The following PPP1R1A variants were observed in gnomAD, a reference collection of about 807,000 sequenced individuals.
The protein encoded by PPP1R1A is protein phosphatase 1 regulatory inhibitor subunit 1A.
Under a neutral mutation model 23.9 loss-of-function variants are expected in PPP1R1A, and 18 were observed. That is an observed-to-expected ratio of 0.75 (90% CI 0.52 to 1.12). PPP1R1A has a LOEUF of 1.12. PPP1R1A is among the 50% of genes most tolerant of loss of function. PPP1R1A has a pLI of 0.00. For missense variants in PPP1R1A, 207 were observed against 223.8 expected, an observed-to-expected ratio of 0.92 and a Z score of 0.48; for synonymous variants, 84 against 80.7, an observed-to-expected ratio of 1.04 and a Z score of -0.22.
rs1957852899 is a variant in PPP1R1A, at chr12:54,581,130, A to G, written c.404-80T>C. 2 of 1,121,724 alleles carry G rather than the reference A, an allele frequency of 1.8e-6. No homozygotes were observed. Among genetic ancestry groups the G allele is most frequent in the Non-Finnish European group, 2.6e-6 (2 of 760,320 alleles). The allele number at this position is 1,121,724 out of a possible 1,614,324, so 69.5% of individuals were successfully genotyped here. A position where few individuals can be genotyped will look rare whatever the true frequency, so the allele number is the denominator to read the frequency against. On this transcript the variant is annotated intron_variant, in intron 5 of 6. Transcript: ENST00000257905. This position sits in a 1 kb window ranked among gnomAD's most constrained non-coding sequence, Gnocchi z 4.1. ...GGAGGGAACTGCTTCTCCTCACTGC[A>G]CCCATACCCCAGTGGCCCCTGAGAG...
intron 6 of PPP1R1A, among the ~76,000 whole-genome samples, chr12:54,580,695 T>G (rs1316680468): frequency 6.6e-6 from 1 of 152,228 alleles, no homozygotes; most frequent in African/African-American, 2.4e-5. Context: ...CATGGCCTAC[T>G]GCTCTCACCC....
intron 1 of PPP1R1A, among the ~76,000 whole-genome samples, chr12:54,585,805 G>A (rs1957904383): frequency 6.8e-6 from 1 of 147,522 alleles, no homozygotes; most frequent in African/African-American, 2.5e-5. Flanking sequence ...AGAAGAAACA[G>A]GATGCAAAGA....
rs758266240 is a variant in PPP1R1A, at chr12:54,584,317, G to T, written c.88C>A (p.Arg30=). The T allele has an allele frequency of 6.9e-6, 11 of 1,598,208 alleles. No homozygotes were observed. Among genetic ancestry groups the T allele is most frequent in the Non-Finnish European group, 9.4e-6 (11 of 1,172,754 alleles). Residue 30 remains arginine (R), a synonymous_variant, in exon 2 of 7, where the codon CGG becomes AGG. Transcript: ENST00000257905. ...GTGGCAGGGGTGGGGCGGCGCCTCC[G>T]AATCTGAGGGAAGGTGGGAAATGGG... ...HLDPEAAEQI[R]RRRPTPATLV...
At chr12:54,582,991 C>T (rs1031862860) in intron 3 of PPP1R1A, among the ~76,000 whole-genome samples, 196 bp from the exon 4 acceptor site, 3 of 151,972 alleles carry the variant, frequency 2.0e-5, no homozygotes, top group South Asian at 2.1e-4. Context: ...CCAACCACCT[C>T]GACAATGGTG....
At chr12:54,586,705 C>G (rs1055437264) in intron 1 of PPP1R1A, among the ~76,000 whole-genome samples, 3 of 152,158 alleles carry the variant, frequency 2.0e-5, no homozygotes, top group Non-Finnish European at 4.4e-5. Flanking sequence ...TCTTTTTTCC[C>G]TCTGACTCCT....
In PPP1R1A at chr12:54,580,053, C is replaced by G. The variant is rs572024877; in HGVS notation, c.*334G>C. The G allele has an allele frequency of 1.7e-5, 18 of 1,051,274 alleles. No individual in the cohort carries two copies. The South Asian group carries it at 6.8e-4, about 40-fold the overall frequency. The allele number at this position is 1,051,274 out of a possible 1,614,324, so 65.1% of individuals were successfully genotyped here. A position where few individuals can be genotyped will look rare whatever the true frequency, so the allele number is the denominator to read the frequency against. ...TCTTGGCACCCTGGAAGTTAGTCCT[C>G]CCACCTATCTGACCCTCATCTCTCT... is the stretch of plus-strand genomic sequence containing the variant. On this transcript the variant is annotated 3_prime_UTR_variant, in exon 7 of 7. Transcript: ENST00000257905.
rs1957887466 is a variant in PPP1R1A at position 54,584,316 on chromosome 12, C to T, written c.89G>A (p.Arg30Gln). 12 of 1,599,998 alleles carry T rather than the reference C, an allele frequency of 7.5e-6. No homozygotes were observed. The highest frequency in any genetic ancestry group is 1.7e-4 in the Middle Eastern group (1 of 6,032). Residue 30 changes from arginine (R) to glutamine (Q), a missense_variant, in exon 2 of 7, where the codon CGG becomes CAG. By Grantham distance (43) the Arg-to-Gln change is conservative. Coordinates refer to ENST00000257905, the MANE Select transcript of PPP1R1A (RefSeq NM_006741.4). ...GGTGGCAGGGGTGGGGCGGCGCCTC[C>T]GAATCTGAGGGAAGGTGGGAAATGG... is the stretch of plus-strand genomic sequence containing the variant. Reference protein sequence around the residue: ...HLDPEAAEQIRRRRPTPATLV... With the variant: ...HLDPEAAEQIQRRRPTPATLV...
At position 54,581,041 on chromosome 12, in the gene PPP1R1A, T is replaced by C; in HGVS notation, c.413A>G (p.Glu138Gly). ...TCTCTCGTGAGTTTTAGGGATGCATTCTGCAGTTTCTGGGGAGGGAACATA... is the reference window on the plus strand; with the variant it reads ...TCTCTCGTGAGTTTTAGGGATGCATCCTGCAGTTTCTGGGGAGGGAACATA... ...GTSGTAKKTAECIPKTHERGS... is the reference protein window; with the variant it reads ...GTSGTAKKTAGCIPKTHERGS... Residue 138 changes from glutamate to glycine, a missense_variant, in exon 6 of 7, where the codon GAA becomes GGA. Coordinates refer to ENST00000257905, the MANE Select transcript of PPP1R1A (RefSeq NM_006741.4). This position sits in a 1 kb window ranked among gnomAD's most constrained non-coding sequence, Gnocchi z 4.1. 1 of 1,611,280 alleles carries C rather than the reference T, an allele frequency of 6.2e-7. No individual in the cohort carries two copies. The highest frequency in any genetic ancestry group is 8.5e-7 in the Non-Finnish European group (1 of 1,177,556).
chr12:54,581,683 C>T lies in PPP1R1A; in HGVS notation c.403+293G>A, dbSNP rs778050572. ...CTCAGCTGGTAAGGTAGCAAGTGGC[C>T]GAGCCAGGATTCTAGCCTGTGATTG... On this transcript the variant is annotated intron_variant, in intron 5 of 6. Coordinates refer to ENST00000257905, the MANE Select transcript of PPP1R1A (RefSeq NM_006741.4). The surrounding 1 kb of genome is among the most constrained non-coding windows in gnomAD (Gnocchi z 4.1). Among the ~76,000 whole-genome samples the T allele has an allele frequency of 8.5e-5, 13 of 152,140 alleles. No individual in the cohort carries two copies. The highest frequency in any genetic ancestry group is 5.8e-4 in the East Asian group (3 of 5,196).
chr12:54,586,926 C>A (rs1321478592), intron 1 of PPP1R1A, among the ~76,000 whole-genome samples: 1 of 152,206 alleles, frequency 6.6e-6, no homozygotes, highest in Non-Finnish European at 1.5e-5. Flanking sequence ...TTTCCTGGGT[C>A]TGAGGTTATC....
rs1178698783 is a variant in PPP1R1A, at chr12:54,579,706, T to C, written c.*681A>G. The C allele has an allele frequency of 3.0e-6, 3 of 985,356 alleles. No homozygotes were observed. The highest frequency in any genetic ancestry group is 3.6e-6 in the Non-Finnish European group (3 of 829,994). The allele number at this position is 985,356 out of a possible 1,614,324, so 61.0% of individuals were successfully genotyped here. A position where few individuals can be genotyped will look rare whatever the true frequency, so the allele number is the denominator to read the frequency against. On this transcript the variant is annotated 3_prime_UTR_variant, in exon 7 of 7. Transcript: ENST00000257905. ...TAATAGCCACTGTGTTCTCTATCCATTGTTGCTAACGGGTTGAAATAAGGG... is the reference window on the plus strand; with the variant it reads ...TAATAGCCACTGTGTTCTCTATCCACTGTTGCTAACGGGTTGAAATAAGGG...
At chr12:54,586,311 A>G (rs1365647889) in intron 1 of PPP1R1A, among the ~76,000 whole-genome samples, 1 of 152,214 alleles carries the variant, frequency 6.6e-6, no homozygotes, top group Admixed American at 6.5e-5. Context: ...AGGAAGGAGG[A>G]AAGTCAGACT....
chr12:54,582,669 A>G (rs1033372468), intron 4 of PPP1R1A, 63 bp downstream of exon 4: 2 of 1,560,300 alleles, frequency 1.3e-6, no homozygotes, highest in Non-Finnish European at 1.8e-6. Context: ...TCCAAAGGGC[A>G]TTCGGTCTCC....
intron 1 of PPP1R1A, 25 bp downstream of exon 1, chr12:54,588,380 C>T (rs779792746): frequency 2.7e-5 from 41 of 1,491,594 alleles, no homozygotes; most frequent in Non-Finnish European, 3.5e-5. Flanking sequence ...GGGCGAGTGC[C>T]CTGCCGCCCC....
chr12:54,588,548 G>A lies in PPP1R1A; in HGVS notation c.-60C>T, dbSNP rs1957935670. On this transcript the variant is annotated 5_prime_UTR_variant, in exon 1 of 7. Coordinates refer to ENST00000257905, the MANE Select transcript of PPP1R1A (RefSeq NM_006741.4). ...CGGGAGGGAAGGCGGCGGGACTCGG[G>A]GCTGGGGCGGGCGCGCTCCCTCTCC... The A allele has an allele frequency of 9.2e-7, 1 of 1,092,176 alleles. No individual in the cohort carries two copies. Among genetic ancestry groups the A allele is most frequent in the Non-Finnish European group, 1.2e-6 (1 of 844,148 alleles). The allele number at this position is 1,092,176 out of a possible 1,614,324, so 67.7% of individuals were successfully genotyped here.
At chr12:54,585,100 C>G (rs1348967002) in intron 1 of PPP1R1A, among the ~76,000 whole-genome samples, 1 of 152,230 alleles carries the variant, frequency 6.6e-6, no homozygotes, top group South Asian at 2.1e-4. Context: ...GCCCCCCAGC[C>G]TGGGAGGACA....
rs1957842634 is a variant in PPP1R1A, at chr12:54,580,318, A to G, written c.*69T>C. The G allele has an allele frequency of 2.5e-6, 4 of 1,605,962 alleles. No individual in the cohort carries two copies. Among genetic ancestry groups the G allele is most frequent in the African/African-American group, 1.3e-5 (1 of 74,718 alleles). ...AGAGATTTTCCCCAAAAGTGAAGGA[A>G]TAAGAAACAAATCCGGTGTCCATGC... is the stretch of plus-strand genomic sequence containing the variant. On this transcript the variant is annotated 3_prime_UTR_variant, in exon 7 of 7. Transcript: ENST00000257905.
chr12:54,587,290 T>C (rs1209103784), intron 1 of PPP1R1A, among the ~76,000 whole-genome samples: 3 of 152,146 alleles, frequency 2.0e-5, no homozygotes, highest in Non-Finnish European at 4.4e-5. Context: ...ACAAAGTTTT[T>C]TTCAGGTTGG....
intron 1 of PPP1R1A, 149 bp downstream of exon 1, chr12:54,588,256 A>ACCCCCCCCCCC (rs142801029): frequency 1.4e-4 from 26 of 181,566 alleles, no homozygotes; most frequent in South Asian, 4.9e-4. Context: ...GGGACAGAAG[A>ACCCCCCCCCCC]CCCCCCCCCG....
Sources: gnomAD v4.1 joint callset for allele counts (sites outside exome capture counted in the v4.1 genomes callset) on GRCh38, gnomAD v4.1.1 for gene constraint, Gnocchi (gnomAD v3.1) non-coding constraint, MANE v1.5 for transcripts, NCBI Gene and HGNC (gene_info 2026-07-23, HGNC 2026-07-21) for gene names.